BUB1: variants seen among roughly 807,000 people sequenced by gnomAD.
The protein encoded by BUB1 is mitotic checkpoint serine/threonine-protein kinase BUB1.
In BUB1, 84 loss-of-function variants were observed where a neutral mutation model predicts 135.2. That is an observed-to-expected ratio of 0.62 (90% CI 0.52 to 0.74). BUB1 has a LOEUF of 0.74. Among genes scored for constraint, BUB1 ranks in the 30% least tolerant of loss-of-function variants. The pLI is 0.00. For missense variants in BUB1, 1,162 were observed against 1,288.3 expected, an observed-to-expected ratio of 0.90 and a Z score of 1.50; for synonymous variants, 403 against 434.4, an observed-to-expected ratio of 0.93 and a Z score of 0.90.
chr2:110,660,248 C>G (rs1275522505), intron 10 of BUB1, among the ~76,000 whole-genome samples: 1 of 152,082 alleles, frequency 6.6e-6, no homozygotes, highest in Non-Finnish European at 1.5e-5. Context: ...TGCTGGCAGG[C>G]ACCTGTAATC....
In BUB1 at chr2:110,641,744, T is replaced by C. The variant is rs1305473709; in HGVS notation, c.2523A>G (p.Leu841=). ...FYIGTQLMER[L]KPSMQHMFMK... The stretch of plus-strand genomic sequence containing the variant: ...TAAACATGTGCTGCATAGATGGCTT[T>C]AGTCTTTCCATCAACTGGGTCCCAA... The change falls in exon 21 of 25, where the codon CTA becomes CTG. Residue 841 remains leucine (L), a synonymous_variant. Transcript: ENST00000302759. 3 of 1,611,478 alleles carry C rather than the reference T, an allele frequency of 1.9e-6. No individual in the cohort carries two copies. Among genetic ancestry groups the C allele is most frequent in the African/African-American group, 2.7e-5 (2 of 75,064 alleles).
Position 110,649,372 on chromosome 2 carries a change from T to G in BUB1, c.2209A>C (p.Ile737Leu), listed in dbSNP as rs759309984. Residue 737 changes from isoleucine to leucine, a missense_variant, in exon 19 of 25, where the codon ATT becomes CTT. Physicochemically the swap from Ile to Leu is conservative, Grantham distance 5 (BLOSUM62 2). Transcript: ENST00000302759. ...SLGTVDAPNF[I>L]VGNPWDDKLI... ...TTATCATCCCATGGGTTCCCAACAATGAAGTCTTAAAGGAATGAGAAAAAA... is the reference window on the plus strand; with the variant it reads ...TTATCATCCCATGGGTTCCCAACAAGGAAGTCTTAAAGGAATGAGAAAAAA... 1 of 1,507,684 alleles carries G rather than the reference T, an allele frequency of 6.6e-7. No individual in the cohort carries two copies. Among genetic ancestry groups the G allele is most frequent in the African/African-American group, 1.5e-5 (1 of 65,076 alleles). The allele number at this position is 1,507,684 out of a possible 1,614,324, so 93.4% of individuals were successfully genotyped here.
At chr2:110,677,458 A>G (rs988385873) in intron 1 of BUB1, among the ~76,000 whole-genome samples, 1 of 152,244 alleles carries the variant, frequency 6.6e-6, no homozygotes, top group African/African-American at 2.4e-5. Flanking sequence ...GTTGGCACAC[A>G]TCACTCAATA....
intron 17 of BUB1, among the ~76,000 whole-genome samples, 188 bp downstream of exon 17, chr2:110,653,248 T>A (rs1361455566): frequency 6.6e-6 from 1 of 152,242 alleles, no homozygotes; most frequent in African/African-American, 2.4e-5. Flanking sequence ...TTAGGTTCAC[T>A]GTTGTATGTA....
intron 13 of BUB1, 100 bp from the exon 14 acceptor site, chr2:110,657,745 CA>C: frequency 3.9e-6 from 3 of 778,740 alleles, no homozygotes; most frequent in Non-Finnish European, 5.9e-6. Flanking sequence ...TAACAGCTGA[CA>C]GAAAAGAACT....
intron 24 of BUB1, among the ~76,000 whole-genome samples, chr2:110,638,611 A>G (rs1026939043): frequency 2.8e-4 from 43 of 152,362 alleles, no homozygotes; most frequent in African/African-American, 1.0e-3. Context: ...TATAATTGTT[A>G]AAATTAACTG....
intron 23 of BUB1, 147 bp downstream of exon 23, chr2:110,640,887 C>T (rs888057898): frequency 4.5e-6 from 3 of 669,942 alleles, no homozygotes; most frequent in Non-Finnish European, 7.0e-6. Context: ...AGAATTCTAT[C>T]CCTGCCATGT....
intron 15 of BUB1, 83 bp downstream of exon 15, chr2:110,656,953 A>C (rs1329134147): frequency 1.0e-6 from 1 of 963,564 alleles, no homozygotes; most frequent in Non-Finnish European, 1.6e-6. Flanking sequence ...CATACACAAT[A>C]TCCTCTGACT....
chr2:110,644,851 C>G (rs1290151540), intron 19 of BUB1, among the ~76,000 whole-genome samples: 3 of 151,840 alleles, frequency 2.0e-5, no homozygotes, highest in African/African-American at 7.3e-5. Context: ...TTTTCTTACA[C>G]AAGCAAAAAA....
intron 6 of BUB1, 26 bp downstream of exon 6, chr2:110,669,427 A>G: frequency 6.6e-7 from 1 of 1,511,018 alleles, no homozygotes; most frequent in Non-Finnish European, 9.2e-7. Flanking sequence ...CCCAGTTTCC[A>G]CACAAGCTAC....
chr2:110,670,498 C>T, intron 5 of BUB1, 27 bp downstream of exon 5: 2 of 1,611,856 alleles, frequency 1.2e-6, no homozygotes, highest in Non-Finnish European at 1.7e-6. Context: ...TGGACAACAA[C>T]AGGCATTTTA....
At chr2:110,656,035 C>T in intron 15 of BUB1, 119 bp from the exon 16 acceptor site, 3 of 955,722 alleles carry the variant, frequency 3.1e-6, no homozygotes, top group Non-Finnish European at 4.7e-6. Flanking sequence ...CAGATGTCAA[C>T]CCCTGGCTAA....
Position 110,641,663 on chromosome 2 carries a change from G to A in BUB1, c.2604C>T (p.Leu868=). The A allele has an allele frequency of 1.2e-6, 2 of 1,612,734 alleles. No individual in the cohort carries two copies. Among genetic ancestry groups the A allele is most frequent in the Non-Finnish European group, 1.7e-6 (2 of 1,179,804 alleles). The change falls in exon 21 of 25, where the codon CTC becomes CTT. Residue 868 remains leucine, a synonymous_variant. Transcript: ENST00000302759. ...TTACTAATAATGTTCCATAGCTGTA[G>A]AGCTCTCCTACTAATACACTGCCAT... is the stretch of plus-strand genomic sequence containing the variant. ...FQNGSVLVGE[L]YSYGTLLNAI...
chr2:110,655,061 T>G (rs1195423381), intron 16 of BUB1, among the ~76,000 whole-genome samples: 1 of 152,132 alleles, frequency 6.6e-6, no homozygotes, highest in African/African-American at 2.4e-5. Flanking sequence ...AGTTTGTAGG[T>G]TGGTACTTAA....
At chr2:110,647,630 A>C (rs896770188) in intron 19 of BUB1, among the ~76,000 whole-genome samples, 1 of 152,162 alleles carries the variant, frequency 6.6e-6, no homozygotes, top group Non-Finnish European at 1.5e-5. Flanking sequence ...TTTACAAAAA[A>C]CCTACAGCTA....
chr2:110,639,887 A>C (rs377544977), intron 23 of BUB1, 39 bp from the exon 24 acceptor site: 30 of 1,479,318 alleles, frequency 2.0e-5, no homozygotes, highest in Non-Finnish European at 2.6e-5. Flanking sequence ...TTAAATAGTA[A>C]TTTACACATG....
At chr2:110,673,602 G>C (rs781067390) in intron 3 of BUB1, among the ~76,000 whole-genome samples, 3 of 151,662 alleles carry the variant, frequency 2.0e-5, no homozygotes, top group Non-Finnish European at 2.9e-5. Context: ...TGGTGGGGGA[G>C]CGGGGGGTGG....
At chr2:110,669,264 T>C (rs1690352882) in intron 6 of BUB1, among the ~76,000 whole-genome samples, 189 bp downstream of exon 6, 1 of 152,070 alleles carries the variant, frequency 6.6e-6, no homozygotes, top group African/African-American at 2.4e-5. Flanking sequence ...CAAATTGTAT[T>C]TGAGGTGAGC....
chr2:110,654,781 G>A (rs1204857858), intron 16 of BUB1, among the ~76,000 whole-genome samples: 1 of 151,998 alleles, frequency 6.6e-6, no homozygotes, highest in Non-Finnish European at 1.5e-5. Context: ...AAAATGTTTA[G>A]GTCTATAGGC....
Sources: allele counts gnomAD v4.1 joint callset (sites outside exome capture counted in the v4.1 genomes callset), GRCh38; gene constraint gnomAD v4.1.1; transcripts MANE v1.5; gene names NCBI Gene and HGNC (gene_info 2026-07-23, HGNC 2026-07-21).